TANGO6: variants seen among roughly 807,000 people sequenced by gnomAD.
TANGO6 encodes transport and golgi organization 6 homolog.
A neutral mutation model predicts 114.2 loss-of-function variants in TANGO6; 90 were observed. The observed-to-expected ratio is 0.79, with a 90% CI of 0.66 to 0.94. The LOEUF is 0.94. TANGO6 is among the 40% of genes least tolerant of loss of function. The probability of loss-of-function intolerance (pLI) is 0.00; values close to 1 mark genes in which losing one functional copy is unlikely to be tolerated. For missense variants in TANGO6, 1,274 were observed against 1,315.3 expected (o/e 0.97, Z 0.49); for synonymous variants, 477 against 509.8 (o/e 0.94, Z 0.87).
intron 4 of TANGO6, 133 bp downstream of exon 4, chr16:68,867,353 C>T (rs781206909): frequency 3.2e-4 from 382 of 1,190,586 alleles, no homozygotes; most frequent in Non-Finnish European, 4.3e-4. Context: ...AGGGATTGAA[C>T]AGGTTAAACT....
intron 16 of TANGO6, among the ~76,000 whole-genome samples, chr16:69,036,832 A>G (rs1049386208): frequency 6.6e-6 from 1 of 152,048 alleles, no homozygotes; most frequent in Non-Finnish European, 1.5e-5. Flanking sequence ...GCGTAGTGGT[A>G]CACGCCTGTA....
intron 14 of TANGO6, among the ~76,000 whole-genome samples, chr16:68,938,639 A>G (rs545699779): frequency 6.6e-6 from 1 of 151,858 alleles, no homozygotes; most frequent in African/African-American, 2.4e-5. Flanking sequence ...TTAACTACTT[A>G]TAAGTTAGCT....
At chr16:68,977,917 C>A (rs2152213987) in intron 15 of TANGO6, among the ~76,000 whole-genome samples, 1 of 152,052 alleles carries the variant, frequency 6.6e-6, no homozygotes, top group East Asian at 2.0e-4. Context: ...AACTCCTGAC[C>A]TCAGGTGATC....
chr16:68,943,682 A>G (rs754677721), intron 14 of TANGO6, among the ~76,000 whole-genome samples: 12 of 151,870 alleles, frequency 7.9e-5, no homozygotes, highest in Admixed American at 2.6e-4. Context: ...TTTTTTTTTA[A>G]CAGTGTCTGT....
chr16:68,904,945 A>G (rs1255305176), intron 9 of TANGO6, among the ~76,000 whole-genome samples: 1 of 152,180 alleles, frequency 6.6e-6, no homozygotes, highest in East Asian at 1.9e-4. Context: ...AAAAAAGGCC[A>G]GGCGCAGTGG....
At position 68,905,534 on chromosome 16, in the gene TANGO6, C is replaced by CA. The variant is rs113940976; in HGVS notation, c.1668-1895dup. Among the ~76,000 whole-genome samples the CA allele has an allele frequency of 1.8e-3, 206 of 111,508 alleles. 1 individual carries two copies. Among genetic ancestry groups the CA allele is most frequent in the Middle Eastern group, 5.9e-3 (1 of 170 alleles). 73.2% of individuals were successfully genotyped at this position (111,508 alleles called of 152,430 possible). On this transcript the variant is annotated intron_variant, in intron 9 of 17. Coordinates refer to ENST00000261778, the MANE Select transcript of TANGO6 (RefSeq NM_024562.2). The stretch of plus-strand genomic sequence containing the variant: ...CTAGGTGACGAGCGAAACTCTGTCT[C>CA]AAAAAAAAAAAAAAGTTAAAAAAAT...
intron 17 of TANGO6, among the ~76,000 whole-genome samples, chr16:69,073,963 A>G (rs1326348906): frequency 2.0e-5 from 3 of 150,514 alleles, no homozygotes; most frequent in Non-Finnish European, 3.0e-5. Flanking sequence ...TCCATCTTAA[A>G]AAAAAAAAAA....
At chr16:68,994,782 A>T (rs912514584) in intron 15 of TANGO6, among the ~76,000 whole-genome samples, 1 of 151,550 alleles carries the variant, frequency 6.6e-6, no homozygotes, top group Admixed American at 6.6e-5. Context: ...ATGGGGTTTC[A>T]CCATGTTGCC....
intron 15 of TANGO6, among the ~76,000 whole-genome samples, chr16:69,003,449 A>G (rs901597276): frequency 7.9e-5 from 12 of 152,258 alleles, no homozygotes; most frequent in African/African-American, 2.9e-4. Context: ...GCAGAAGGTA[A>G]GCACCATATT....
chr16:68,973,859 C>G, intron 14 of TANGO6, 169 bp from the exon 15 acceptor site: 1 of 696,670 alleles, frequency 1.4e-6, no homozygotes, highest in Non-Finnish European at 2.4e-6. Context: ...CCAGGCCCAT[C>G]TTCGTTCCAC....
chr16:68,866,949 A>C, intron 3 of TANGO6, 130 bp from the exon 4 acceptor site: 1 of 908,286 alleles, frequency 1.1e-6, no homozygotes, highest in South Asian at 2.1e-5. Context: ...ATAAATAAAT[A>C]AGTCTGCATA....
At chr16:69,015,464 T>TTTTTTTTATTTATTTATTTATTTA (rs1555528108) in intron 15 of TANGO6, among the ~76,000 whole-genome samples, 2 of 143,868 alleles carry the variant, frequency 1.4e-5, no homozygotes, top group African/African-American at 5.1e-5. Flanking sequence ...GCTCATTTTA[T>TTTTTTTTATTTATTTATTTATTTA]TTTATTTATT....
intron 1 of TANGO6, among the ~76,000 whole-genome samples, chr16:68,853,844 T>G (rs1411621622): frequency 6.6e-6 from 1 of 152,194 alleles, no homozygotes; most frequent in Non-Finnish European, 1.5e-5. Context: ...TAGTGGTATC[T>G]CATTGTGGTT....
chr16:68,960,069 T>C (rs1312945459), intron 14 of TANGO6, among the ~76,000 whole-genome samples: 1 of 152,226 alleles, frequency 6.6e-6, no homozygotes, highest in African/African-American at 2.4e-5. Flanking sequence ...TTTTTACTGG[T>C]AACTGTTTCT....
intron 17 of TANGO6, among the ~76,000 whole-genome samples, chr16:69,067,518 C>CAAAAAAA (rs1199698790): frequency 9.1e-5 from 4 of 43,722 alleles, no homozygotes; most frequent in Admixed American, 3.2e-4. Flanking sequence ...AACTCCATCT[C>CAAAAAAA]AAAAAAAAAA....
At chr16:68,959,485 G>A (rs1399429054) in intron 14 of TANGO6, among the ~76,000 whole-genome samples, 1 of 152,004 alleles carries the variant, frequency 6.6e-6, no homozygotes. Flanking sequence ...TACTCAGGAG[G>A]CTGAGGCAGG....
At chr16:68,988,185 G>A (rs1481136381) in intron 15 of TANGO6, among the ~76,000 whole-genome samples, 1 of 151,990 alleles carries the variant, frequency 6.6e-6, no homozygotes, top group East Asian at 1.9e-4. Flanking sequence ...CACTCTAATG[G>A]GTCTTTCATC....
At chr16:68,969,163 A>G (rs1963679225) in intron 14 of TANGO6, among the ~76,000 whole-genome samples, 1 of 151,980 alleles carries the variant, frequency 6.6e-6, no homozygotes, top group Admixed American at 6.6e-5. Flanking sequence ...TCTCTCACAC[A>G]ATCCTTTGGG....
At chr16:68,848,500 CAG>C (rs1294255402) in intron 1 of TANGO6, among the ~76,000 whole-genome samples, 1 of 150,512 alleles carries the variant, frequency 6.6e-6, no homozygotes, top group African/African-American at 2.5e-5. Flanking sequence ...ACTTCTAGTG[CAG>C]AGACAATACA....
Sources: gnomAD v4.1 joint callset for allele counts (sites outside exome capture counted in the v4.1 genomes callset) on GRCh38, gnomAD v4.1.1 for gene constraint, MANE v1.5 for transcripts, NCBI Gene and HGNC (gene_info 2026-07-23, HGNC 2026-07-21) for gene names.